Variants in TBC1D5 observed in about 807,000 individuals in gnomAD.
The protein encoded by TBC1D5 is TBC1 domain family, member 5.
TBC1D5 carries 75 observed loss-of-function variants against 100.3 expected under a neutral mutation model. The observed-to-expected ratio is 0.75, with a 90% CI of 0.62 to 0.91. The LOEUF is 0.91. Ranked by LOEUF, TBC1D5 falls within the 40% of genes least tolerant of loss-of-function variation. TBC1D5 has a pLI of 0.00. For synonymous variants in TBC1D5, 323 were observed against 325.6 expected, an observed-to-expected ratio of 0.99 and a Z score of 0.09; for missense variants, 910 against 942.4, an observed-to-expected ratio of 0.97 and a Z score of 0.45.
At chr3:17,573,117 C>A (rs1283847338) in intron 2 of TBC1D5, among the ~76,000 whole-genome samples, 1 of 152,044 alleles carries the variant, frequency 6.6e-6, no homozygotes, top group Non-Finnish European at 1.5e-5. Flanking sequence ...ACAGGATGTC[C>A]AAACAGAAGT....
At position 17,455,480 on chromosome 3, in the gene TBC1D5, GTATATATA is replaced by G. The variant is rs1307497848; in HGVS notation, c.98-26969_98-26962del. Among the ~76,000 whole-genome samples the G allele has an allele frequency of 7.1e-5, 10 of 141,040 alleles. No individual in the cohort carries two copies. The South Asian group carries it at 2.0e-3, about 28-fold the overall frequency. 92.5% of individuals were successfully genotyped at this position (141,040 alleles called of 152,430 possible). A position where few individuals can be genotyped will look rare whatever the true frequency, so the allele number is the denominator to read the frequency against. On this transcript the variant is annotated intron_variant, in intron 3 of 21. Coordinates refer to ENST00000253692, the Ensembl canonical transcript of TBC1D5. ...TGTGTATATATATGTGTATATATAT[GTATATATA>G]TGTGTATATATATATGTGTGTGTGT...
intron 3 of TBC1D5, among the ~76,000 whole-genome samples, chr3:17,488,293 C>CT (rs2095595918): frequency 6.6e-6 from 1 of 152,156 alleles, no homozygotes; most frequent in Non-Finnish European, 1.5e-5. Flanking sequence ...TCCTCCATGT[C>CT]TTTTTGTGCT....
At chr3:17,658,194 A>T (rs1434805301) in intron 1 of TBC1D5, among the ~76,000 whole-genome samples, 1 of 152,224 alleles carries the variant, frequency 6.6e-6, no homozygotes, top group Non-Finnish European at 1.5e-5. Context: ...CTAACAACAC[A>T]TATCTCAAAA....
At chr3:17,472,193 C>CA (rs1253308412) in intron 3 of TBC1D5, among the ~76,000 whole-genome samples, 1 of 149,248 alleles carries the variant, frequency 6.7e-6, no homozygotes, top group Non-Finnish European at 1.5e-5. Context: ...GGCTGGAGTG[C>CA]AGTGATGTGA....
intron 17 of TBC1D5, among the ~76,000 whole-genome samples, chr3:17,221,784 T>C (rs2074319814): frequency 6.6e-6 from 1 of 152,152 alleles, no homozygotes; most frequent in African/African-American, 2.4e-5. Context: ...AACCTTGACT[T>C]TAGCCTAGAG....
intron 20 of TBC1D5, 99 bp downstream of exon 21, chr3:17,167,650 G>A: frequency 9.6e-7 from 1 of 1,046,294 alleles, no homozygotes; most frequent in Non-Finnish European, 1.5e-6. Context: ...ATGAGGGTTA[G>A]GGGGATGCTG....
At chr3:17,549,278 G>A (rs2096450634) in intron 2 of TBC1D5, among the ~76,000 whole-genome samples, 6 of 152,138 alleles carry the variant, frequency 3.9e-5, no homozygotes. Context: ...TGCAGCCTGG[G>A]CAAGAGAGCG....
chr3:17,336,710 G>GAAA (rs561038855), intron 13 of TBC1D5, among the ~76,000 whole-genome samples: 7 of 142,096 alleles, frequency 4.9e-5, no homozygotes, highest in African/African-American at 1.8e-4. Flanking sequence ...TAGCATCACT[G>GAAA]AAAAAAAAAA....
At chr3:17,382,284 T>C (rs1575614257) in intron 9 of TBC1D5, among the ~76,000 whole-genome samples, 1 of 152,028 alleles carries the variant, frequency 6.6e-6, no homozygotes, top group Non-Finnish European at 1.5e-5. Flanking sequence ...AGTTAGTAAA[T>C]GACAGAGGTG....
intron 1 of TBC1D5, among the ~76,000 whole-genome samples, chr3:17,678,889 T>G (rs1318111045): frequency 8.0e-5 from 12 of 150,546 alleles, no homozygotes; most frequent in African/African-American, 3.0e-4. Context: ...AAAAAAGTGG[T>G]GGACAAAAAA....
chr3:17,655,065 G>A (rs1353388839), intron 1 of TBC1D5, among the ~76,000 whole-genome samples: 2 of 151,210 alleles, frequency 1.3e-5, no homozygotes, highest in African/African-American at 4.9e-5. Flanking sequence ...TTCTTTATTA[G>A]TCTTGCTAGC....
At chr3:17,176,978 G>T (rs1018731318) in intron 19 of TBC1D5, among the ~76,000 whole-genome samples, 1 of 152,180 alleles carries the variant, frequency 6.6e-6, no homozygotes, top group Non-Finnish European at 1.5e-5. Context: ...GCCACTGGGG[G>T]CCACTGTGGT....
chr3:17,195,832 C>A (rs2070608186), intron 18 of TBC1D5, among the ~76,000 whole-genome samples: 1 of 150,870 alleles, frequency 6.6e-6, no homozygotes, highest in Non-Finnish European at 1.5e-5. Context: ...GGAAATAATT[C>A]TCTAAATTGC....
At chr3:17,459,338 C>G (rs1017233091) in intron 3 of TBC1D5, among the ~76,000 whole-genome samples, 1 of 152,084 alleles carries the variant, frequency 6.6e-6, no homozygotes, top group African/African-American at 2.4e-5. Context: ...GTGTGCAACC[C>G]ACATCCCTCG....
chr3:17,173,132 T>G (rs1308970631), intron 19 of TBC1D5, among the ~76,000 whole-genome samples: 1 of 152,130 alleles, frequency 6.6e-6, no homozygotes. Context: ...CCCTTCTAGA[T>G]GAGAACTGTC....
chr3:17,243,994 A>G (rs563494763), intron 16 of TBC1D5, among the ~76,000 whole-genome samples: 6 of 152,196 alleles, frequency 3.9e-5, no homozygotes, highest in Non-Finnish European at 7.4e-5. Flanking sequence ...CCGAGGAGTA[A>G]GTCCTACATA....
chr3:17,392,440 C>T (rs2093379446), intron 8 of TBC1D5, among the ~76,000 whole-genome samples: 1 of 151,998 alleles, frequency 6.6e-6, no homozygotes, highest in Non-Finnish European at 1.5e-5. Flanking sequence ...TAGGTATACA[C>T]ATGCCATGGT....
intron 2 of TBC1D5, among the ~76,000 whole-genome samples, chr3:17,612,956 T>C (rs956116123): frequency 5.9e-5 from 9 of 151,824 alleles, no homozygotes; most frequent in Non-Finnish European, 8.8e-5. Flanking sequence ...TACATATGTA[T>C]ACATGTGCCA....
chr3:17,214,567 G>A (rs1559423662), intron 17 of TBC1D5, among the ~76,000 whole-genome samples, 197 bp from the exon 19 acceptor site: 1 of 151,398 alleles, frequency 6.6e-6, no homozygotes. Context: ...AACAGTGAAG[G>A]TATCTACCAC....
Sources: allele counts gnomAD v4.1 joint callset (sites outside exome capture counted in the v4.1 genomes callset), GRCh38; gene constraint gnomAD v4.1.1; transcripts MANE v1.5; gene names NCBI Gene and HGNC (gene_info 2026-07-23, HGNC 2026-07-21).